Variants in URB1 observed in about 807,000 individuals in gnomAD.
URB1 encodes URB1 ribosome biogenesis factor, also known as nucleolar pre-ribosomal-associated protein 1.
A neutral mutation model predicts 242.3 loss-of-function variants in URB1; 197 were observed. The ratio of observed to expected loss-of-function variants is 0.81; its 90% CI spans 0.72 to 0.91. URB1 has a LOEUF of 0.91. Among genes scored for constraint, URB1 ranks in the 40% least tolerant of loss-of-function variants. The probability of loss-of-function intolerance (pLI) is 0.00; values close to 1 mark genes in which losing one functional copy is unlikely to be tolerated. For missense variants in URB1, 2,721 were observed against 2,860.5 expected (o/e 0.95, Z 1.11); for synonymous variants, 1,153 against 1,201.8 (o/e 0.96, Z 0.84).
In URB1 at chr21:32,312,061, T is replaced by C. The variant is rs1386618996; in HGVS notation, c.*2857A>G. 6.2e-7 allele frequency: 1 copy of C among 1,607,230 alleles called. No homozygotes were observed. The highest frequency in any genetic ancestry group is 8.5e-7 in the Non-Finnish European group (1 of 1,179,850). ...ATCAAGCCAACCTGGACACATACGT[T>C]CCTCGTTCTTCTTAGAGGCCATTTG... On this transcript the variant is annotated 3_prime_UTR_variant, in exon 39 of 39. Coordinates refer to ENST00000382751, the MANE Select transcript of URB1 (RefSeq NM_014825.3).
chr21:32,340,468 C>G (rs1332348803), intron 25 of URB1, among the ~76,000 whole-genome samples: 1 of 152,128 alleles, frequency 6.6e-6, no homozygotes, highest in African/African-American at 2.4e-5. Flanking sequence ...AAAAAATTAG[C>G]CGAGCATGGT....
In URB1 at chr21:32,317,855, T is replaced by C. The variant is rs1349483870; in HGVS notation, c.5855A>G (p.Tyr1952Cys). 13 of 1,551,742 alleles carry C rather than the reference T, an allele frequency of 8.4e-6. No homozygotes were observed. Among genetic ancestry groups the C allele is most frequent in the Non-Finnish European group, 1.1e-5 (13 of 1,147,042 alleles). Residue 1952 changes from tyrosine to cysteine, a missense_variant, in exon 37 of 39, where the codon TAC becomes TGC. By Grantham distance (194) the Tyr-to-Cys change is radical. Transcript: ENST00000382751. Reference sequence around the variant, plus strand: ...AAAGGCCTGTATGACAGTGGCCCGGTACCTCAGCACGGAGTCAAGTGTCCC... The same window carrying C: ...AAAGGCCTGTATGACAGTGGCCCGGCACCTCAGCACGGAGTCAAGTGTCCC... ...FFGTLDSVLR[Y>C]RATVIQAFRD...
At chr21:32,350,528 AG>A (rs2033145016) in intron 20 of URB1, among the ~76,000 whole-genome samples, 175 bp downstream of exon 20, 1 of 152,232 alleles carries the variant, frequency 6.6e-6, no homozygotes, top group Non-Finnish European at 1.5e-5. Flanking sequence ...TCCCATGGGC[AG>A]GGCTGAGGGA....
chr21:32,341,543 AG>A lies in URB1; in HGVS notation c.4258-20del, dbSNP rs763582743. On this transcript the variant is annotated intron_variant, in intron 24 of 38. Transcript: ENST00000382751. ...GTGCATGCTATGAATAAAATAAGTA[AG>A]AAAAACACATGAAACATCTCAGTCT... The A allele has an allele frequency of 1.5e-4, 226 of 1,549,956 alleles. No homozygotes were observed. The Middle Eastern group carries it at 3.7e-3, about 25-fold the overall frequency.
intron 28 of URB1, among the ~76,000 whole-genome samples, chr21:32,335,026 G>A (rs185351549): frequency 2.0e-4 from 31 of 151,784 alleles, no homozygotes; most frequent in African/African-American, 6.0e-4. Context: ...CTGCTGCCCC[G>A]CTGCTGCCAG....
chr21:32,339,859 C>T (rs2033008624), intron 25 of URB1, among the ~76,000 whole-genome samples: 1 of 152,198 alleles, frequency 6.6e-6, no homozygotes, highest in South Asian at 2.1e-4. Context: ...CGCCAGGAGG[C>T]ATGAGAACAG....
intron 30 of URB1, among the ~76,000 whole-genome samples, chr21:32,326,340 G>A (rs1219395737): frequency 6.6e-6 from 1 of 152,196 alleles, no homozygotes; most frequent in African/African-American, 2.4e-5. Flanking sequence ...CTCCAAATGA[G>A]TAATCATGGA....
intron 35 of URB1, among the ~76,000 whole-genome samples, chr21:32,320,069 C>T (rs894443162): frequency 2.0e-5 from 3 of 152,208 alleles, no homozygotes; most frequent in Non-Finnish European, 2.9e-5. Flanking sequence ...TCCTCTAATG[C>T]GGGCTCATCA....
At chr21:32,331,682 CT>C (rs2032894296) in intron 30 of URB1, among the ~76,000 whole-genome samples, 1 of 152,218 alleles carries the variant, frequency 6.6e-6, no homozygotes, top group Admixed American at 6.5e-5. Context: ...GGAAAAAGGG[CT>C]GCCTAGCAAG....
intron 15 of URB1, among the ~76,000 whole-genome samples, chr21:32,355,861 T>C (rs937467870): frequency 6.6e-6 from 1 of 152,194 alleles, no homozygotes. Flanking sequence ...TCTGCCTACC[T>C]TGGCCTCCCA....
At chr21:32,370,651 T>C (rs1035385528) in intron 8 of URB1, among the ~76,000 whole-genome samples, 3 of 152,198 alleles carry the variant, frequency 2.0e-5, no homozygotes, top group East Asian at 1.9e-4. Context: ...CAGAGCTAAG[T>C]TGGGATTGAA....
chr21:32,350,632 C>A, intron 20 of URB1, 72 bp downstream of exon 20: 15 of 1,498,816 alleles, frequency 1.0e-5, no homozygotes, highest in Non-Finnish European at 1.4e-5. Context: ...GGGCTGTGGG[C>A]CCGACTCAGA....
In URB1 at chr21:32,378,488, A is replaced by C; in HGVS notation, c.621T>G (p.Ile207Met). The change falls in exon 5 of 39, where the codon ATT becomes ATG. Residue 207 changes from isoleucine (I) to methionine (M), a missense_variant. Transcript: ENST00000382751. ...AYVQFALSFL[I>M]AGDDSTIVQV... is the part of the protein sequence containing the mutation. ...GCACTATAGTGCTGTCATCACCCGC[A>C]ATTAAAAAGGAGAGAGCAAACTGAA... 3 of 1,551,664 alleles carry C rather than the reference A, an allele frequency of 1.9e-6. No homozygotes were observed. Among genetic ancestry groups the C allele is most frequent in the Non-Finnish European group, 1.7e-6 (2 of 1,146,992 alleles).
chr21:32,329,117 A>AC (rs2032864060), intron 30 of URB1, among the ~76,000 whole-genome samples: 1 of 151,198 alleles, frequency 6.6e-6, no homozygotes, highest in South Asian at 2.1e-4. Flanking sequence ...AAAAAAAAAA[A>AC]ATTAGCTAGG....
intron 28 of URB1, chr21:32,335,298 C>T (rs1194471719): frequency 6.5e-6 from 1 of 152,922 alleles, no homozygotes. Flanking sequence ...TCAATTAAAT[C>T]CCTCTGACTC....
chr21:32,339,352 G>A (rs529424910), intron 25 of URB1, among the ~76,000 whole-genome samples: 1 of 152,262 alleles, frequency 6.6e-6, no homozygotes, highest in South Asian at 2.1e-4. Flanking sequence ...GAATTTTGCA[G>A]CAAATACCCT....
intron 9 of URB1, 101 bp from the exon 10 acceptor site, chr21:32,366,856 T>C: frequency 6.0e-6 from 8 of 1,322,732 alleles, no homozygotes; most frequent in Non-Finnish European, 8.2e-6. Flanking sequence ...ATCAAATAAT[T>C]ATAGCGGTAA....
intron 15 of URB1, among the ~76,000 whole-genome samples, chr21:32,356,271 G>A (rs1015090564): frequency 2.0e-5 from 3 of 152,112 alleles, no homozygotes; most frequent in Non-Finnish European, 4.4e-5. Flanking sequence ...GCACACATGT[G>A]GCCCTAGCTA....
chr21:32,340,294 C>T (rs939961453), intron 25 of URB1, among the ~76,000 whole-genome samples: 1 of 152,160 alleles, frequency 6.6e-6, no homozygotes. Context: ...GGAAAATGAA[C>T]GCTGACACAC....
Sources: allele counts gnomAD v4.1 joint callset (sites outside exome capture counted in the v4.1 genomes callset), GRCh38; gene constraint gnomAD v4.1.1; transcripts MANE v1.5; gene names NCBI Gene and HGNC (gene_info 2026-07-23, HGNC 2026-07-21).